The following MASP1 variants were observed in gnomAD, a reference collection of about 807,000 sequenced individuals.
MASP1 encodes mannan-binding lectin serine protease 1.
MASP1 carries 59 observed loss-of-function variants against 77.1 expected under a neutral mutation model. That is an observed-to-expected ratio of 0.77 (90% CI 0.62 to 0.95). MASP1 has a LOEUF of 0.95. MASP1 is among the 40% of genes least tolerant of loss of function. The pLI is 0.00. For missense variants in MASP1, 885 were observed against 912.9 expected, an observed-to-expected ratio of 0.97 and a Z score of 0.39; for synonymous variants, 362 against 354.5, an observed-to-expected ratio of 1.02 and a Z score of -0.24.
chr3:187,226,561 G>T, intron 11 of MASP1: 1 of 1,391,322 alleles, frequency 7.2e-7, no homozygotes, highest in Non-Finnish European at 1.0e-6. Flanking sequence ...TGCACTACTG[G>T]GTCTTGCCTC....
At chr3:187,229,640 G>C, downstream of MASP1, 2 of 1,321,336 alleles carry the variant, frequency 1.5e-6, no homozygotes, top group Non-Finnish European at 2.1e-6. Context: ...TCTTTCTACC[G>C]CACTGTGCTT....
chr3:187,267,496 G>A (rs1716138101), intron 2 of MASP1, among the ~76,000 whole-genome samples: 1 of 152,186 alleles, frequency 6.6e-6, no homozygotes, highest in Admixed American at 6.5e-5. Context: ...AGTTTGAAAG[G>A]CAATAGTCAT....
At chr3:187,271,589 TAAA>T (rs1716521070) in intron 2 of MASP1, among the ~76,000 whole-genome samples, 2 of 152,106 alleles carry the variant, frequency 1.3e-5, no homozygotes, top group African/African-American at 4.8e-5. Context: ...GCATTGAAAA[TAAA>T]AAGTAGAAGG....
At position 187,236,309 on chromosome 3, in the gene MASP1, C is replaced by T. The variant is rs1419612955; in HGVS notation, c.1562G>A (p.Gly521Asp). 6.2e-7 allele frequency: 1 copy of T among 1,614,126 alleles called. No individual in the cohort carries two copies. Among genetic ancestry groups the T allele is most frequent in the Non-Finnish European group, 8.5e-7 (1 of 1,180,048 alleles). The change falls in exon 11 of 11, where the codon GGC becomes GAC. Residue 521 changes from glycine to aspartate, a missense_variant. Coordinates refer to ENST00000296280, the MANE Select transcript of MASP1 (RefSeq NM_139125.4). Reference sequence around the variant, plus strand: ...CGATTTGTCTCGCACATCATGCAAGCCCAGGTAGACGGTGACATGCTCCTT... The same window carrying T: ...CGATTTGTCTCGCACATCATGCAAGTCCAGGTAGACGGTGACATGCTCCTT... The part of the protein sequence containing the change: ...VSKEHVTVYL[G>D]LHDVRDKSGA...
intron 10 of MASP1, among the ~76,000 whole-genome samples, chr3:187,236,911 C>G (rs1281069941): frequency 6.6e-6 from 1 of 152,202 alleles, no homozygotes; most frequent in Non-Finnish European, 1.5e-5. Context: ...GTGGTCACTT[C>G]TCCCCTTCCT....
intron 5 of MASP1, 72 bp downstream of exon 5, chr3:187,256,592 C>G: frequency 6.9e-7 from 1 of 1,441,266 alleles, no homozygotes; most frequent in Non-Finnish European, 9.7e-7. Flanking sequence ...GTGAAGGTTC[C>G]GCAATATCAA....
At position 187,236,057 on chromosome 3, in the gene MASP1, A is replaced by T; in HGVS notation, c.1814T>A (p.Ile605Asn). ...CAAGGTCCGTGTGCCACTGCTGATGATCTCATCCACTGTCACATTGGGATT... is the reference window on the plus strand; with the variant it reads ...CAAGGTCCGTGTGCCACTGCTGATGTTCTCATCCACTGTCACATTGGGATT... ...ISNPNVTVDEIISSGTRTLSD... is the reference protein window; with the variant it reads ...ISNPNVTVDENISSGTRTLSD... Residue 605 changes from isoleucine (I) to asparagine (N), a missense_variant, in exon 11 of 11, where the codon ATC becomes AAC. Physicochemically the swap from Ile to Asn is moderately radical, Grantham distance 149. Transcript: ENST00000296280. The T allele has an allele frequency of 6.2e-7, 1 of 1,614,080 alleles. No individual in the cohort carries two copies. Among genetic ancestry groups the T allele is most frequent in the Non-Finnish European group, 8.5e-7 (1 of 1,180,036 alleles).
At chr3:187,255,285 G>A (rs533982927) in intron 5 of MASP1, among the ~76,000 whole-genome samples, 46 of 152,266 alleles carry the variant, frequency 3.0e-4, no homozygotes, top group East Asian at 9.7e-4. Flanking sequence ...GTATCTGAGC[G>A]CAACTTCTAG....
rs72549178 is a variant in MASP1 at position 187,241,135 on chromosome 3, T to G, written c.1303+346A>C. Among the ~76,000 whole-genome samples, 744 of 152,310 alleles carry G rather than the reference T, an allele frequency of 4.9e-3. 3 individuals are homozygous for G. The highest frequency in any genetic ancestry group is 0.017 in the African/African-American group (707 of 41,558). On this transcript the variant is annotated intron_variant, in intron 10 of 10. Coordinates refer to ENST00000296280, the MANE Select transcript of MASP1 (RefSeq NM_139125.4). ...TGATGTTGTTTGTGTTATCATCTCC[T>G]TGATAGCATGGTGAGTGCTTGAGGA...
intron 4 of MASP1, among the ~76,000 whole-genome samples, chr3:187,257,622 C>T (rs1715204389): frequency 6.6e-6 from 1 of 152,080 alleles, no homozygotes; most frequent in African/African-American, 2.4e-5. Context: ...TAGACTCAAG[C>T]CATCTTCCTG....
intron 2 of MASP1, among the ~76,000 whole-genome samples, chr3:187,283,458 T>C (rs1433344553): frequency 6.6e-6 from 1 of 152,214 alleles, no homozygotes; most frequent in African/African-American, 2.4e-5. Flanking sequence ...GAAGGAGACC[T>C]AACAAGGTTA....
chr3:187,235,124 G>T lies in MASP1; in HGVS notation c.*560C>A, dbSNP rs1438863203. ...AACCCCAGGCATGAAGGTGCTCCAAGGGATCACACTAAGAGAGAGGGGCTT... is the reference window on the plus strand; with the variant it reads ...AACCCCAGGCATGAAGGTGCTCCAATGGATCACACTAAGAGAGAGGGGCTT... On this transcript the variant is annotated 3_prime_UTR_variant, in exon 11 of 11. Transcript: ENST00000296280. 1 of 1,287,412 alleles carries T rather than the reference G, an allele frequency of 7.8e-7. No individual in the cohort carries two copies. Among genetic ancestry groups the T allele is most frequent in the African/African-American group, 1.5e-5 (1 of 65,940 alleles). 79.7% of individuals were successfully genotyped at this position (1,287,412 alleles called of 1,614,324 possible). A position where few individuals can be genotyped will look rare whatever the true frequency, so the allele number is the denominator to read the frequency against.
downstream of MASP1, among the ~76,000 whole-genome samples, chr3:187,232,964 C>T (rs992733014): frequency 6.6e-6 from 1 of 152,172 alleles, no homozygotes; most frequent in African/African-American, 2.4e-5. Context: ...TTCACTATCA[C>T]GTGCCACTCA....
chr3:187,251,413 A>G (rs1426500013), intron 7 of MASP1: 7 of 148,844 alleles, frequency 4.7e-5, no homozygotes, highest in Non-Finnish European at 8.2e-5. Flanking sequence ...TGCTCTGATT[A>G]AAAAAAAAAA....
chr3:187,271,918 C>T (rs1226766971), intron 2 of MASP1, among the ~76,000 whole-genome samples: 1 of 152,120 alleles, frequency 6.6e-6, no homozygotes, highest in African/African-American at 2.4e-5. Flanking sequence ...TGGGTCGCAA[C>T]AGAGTTGAAA....
In MASP1 at chr3:187,260,730, G is replaced by T; in HGVS notation, c.547+11C>A. On this transcript the variant is annotated intron_variant, in intron 4 of 10. Coordinates refer to ENST00000296280, the MANE Select transcript of MASP1 (RefSeq NM_139125.4). ...ATAAGGGCAATGCATACAATCATTGGTAGGCTCTACCTCGGCAGGTCCTGT... is the reference window on the plus strand; with the variant it reads ...ATAAGGGCAATGCATACAATCATTGTTAGGCTCTACCTCGGCAGGTCCTGT... 1 of 1,614,136 alleles carries T rather than the reference G, an allele frequency of 6.2e-7. No individual in the cohort carries two copies. Among genetic ancestry groups the T allele is most frequent in the Non-Finnish European group, 8.5e-7 (1 of 1,180,028 alleles).
intron 1 of MASP1, among the ~76,000 whole-genome samples, chr3:187,289,554 A>G (rs1453292500): frequency 6.6e-6 from 1 of 152,198 alleles, no homozygotes; most frequent in East Asian, 1.9e-4. Flanking sequence ...TGAAAAACCC[A>G]TGGCTTTACG....
intron 7 of MASP1, 47 bp from the exon 8 acceptor site, chr3:187,250,376 G>T: frequency 7.1e-7 from 1 of 1,416,160 alleles, no homozygotes; most frequent in Non-Finnish European, 1.0e-6. Flanking sequence ...AGGTGGGGGT[G>T]GTGTCAGGGG....
At chr3:187,223,070 G>A in intron 14 of MASP1, 1 of 1,447,706 alleles carries the variant, frequency 6.9e-7, no homozygotes, top group Admixed American at 1.7e-5. Context: ...TACGGAGCAG[G>A]AAGGCCCAGT....
Sources: allele counts gnomAD v4.1 joint callset (sites outside exome capture counted in the v4.1 genomes callset), GRCh38; gene constraint gnomAD v4.1.1; transcripts MANE v1.5; gene names NCBI Gene and HGNC (gene_info 2026-07-23, HGNC 2026-07-21).